The following ATP8A2 variants were observed in gnomAD, a reference collection of about 807,000 sequenced individuals.
ATP8A2 encodes the protein phospholipid-transporting ATPase IB.
In ATP8A2, 100 loss-of-function variants were observed where a neutral mutation model predicts 165.6. The observed-to-expected ratio is 0.60, with a 90% CI of 0.51 to 0.71. ATP8A2 has a LOEUF of 0.71. Ranked by LOEUF, ATP8A2 falls within the 30% of genes least tolerant of loss-of-function variation. The probability of loss-of-function intolerance (pLI) is 0.00; values close to 1 mark genes in which losing one functional copy is unlikely to be tolerated. For missense variants in ATP8A2, 1,227 were observed against 1,479.5 expected (o/e 0.83, Z 2.80); for synonymous variants, 543 against 548.8 (o/e 0.99, Z 0.15).
chr13:26,021,349 C>T lies in ATP8A2; in HGVS notation c.*1364C>T, dbSNP rs1033101052. 1.3e-5 allele frequency: 2 copies of T among 152,242 alleles called. No individual in the cohort carries two copies. The highest frequency in any genetic ancestry group is 2.4e-5 in the African/African-American group (1 of 41,456). The allele number at this position is 152,242 out of a possible 1,614,324, so 9.4% of individuals were successfully genotyped here. ...TATGAGAGCTTAAACAAGACCTTCA[C>T]ACACAGTTCTAATTGAAAAGAATTC... is the stretch of plus-strand genomic sequence containing the variant. On this transcript the variant is annotated 3_prime_UTR_variant, in exon 37 of 37. Coordinates refer to ENST00000381655, the MANE Select transcript of ATP8A2 (RefSeq NM_016529.6).
At chr13:25,395,568 A>T (rs546798634) in intron 1 of ATP8A2, among the ~76,000 whole-genome samples, 1 of 152,214 alleles carries the variant, frequency 6.6e-6, no homozygotes, top group Non-Finnish European at 1.5e-5. Context: ...ATGGAGAGCC[A>T]GGAAGAGAGA....
chr13:25,585,381 C>T (rs748534866), intron 23 of ATP8A2, among the ~76,000 whole-genome samples: 5 of 152,048 alleles, frequency 3.3e-5, no homozygotes, highest in African/African-American at 4.8e-5. Flanking sequence ...GTGGAGTTTT[C>T]GCAGTCTGTA....
chr13:25,878,531 A>ATC (rs920271588), intron 33 of ATP8A2, among the ~76,000 whole-genome samples: 3 of 151,814 alleles, frequency 2.0e-5, no homozygotes, highest in African/African-American at 7.3e-5. Flanking sequence ...ACCTGTCACC[A>ATC]TCTTGGTTTG....
intron 30 of ATP8A2, among the ~76,000 whole-genome samples, chr13:25,848,026 C>T (rs1306364299): frequency 1.3e-5 from 2 of 152,234 alleles, no homozygotes; most frequent in Non-Finnish European, 2.9e-5. Flanking sequence ...AGCATACCTA[C>T]CCTGCCTCAC....
At chr13:25,417,224 G>A (rs115651890) in intron 1 of ATP8A2, among the ~76,000 whole-genome samples, 1 of 152,068 alleles carries the variant, frequency 6.6e-6, no homozygotes, top group Non-Finnish European at 1.5e-5. Context: ...CCCAGTTTAG[G>A]CTGAGCCAGG....
intron 25 of ATP8A2, among the ~76,000 whole-genome samples, chr13:25,758,084 CT>C (rs954927818): frequency 1.3e-5 from 2 of 152,174 alleles, no homozygotes; most frequent in African/African-American, 4.8e-5. Context: ...TTAATTTACT[CT>C]TTACTGAATA....
At chr13:25,529,875 T>G in intron 2 of ATP8A2, 124 bp from the exon 3 acceptor site, 1 of 573,412 alleles carries the variant, frequency 1.7e-6, no homozygotes, top group South Asian at 2.6e-5. Flanking sequence ...GCAATTTCCT[T>G]GTCTTGAGTT....
intron 2 of ATP8A2, among the ~76,000 whole-genome samples, chr13:25,491,861 T>C (rs775845540): frequency 2.0e-5 from 3 of 152,206 alleles, no homozygotes; most frequent in African/African-American, 7.2e-5. Flanking sequence ...GATAGAGCAT[T>C]GGTTTTGTTA....
intron 27 of ATP8A2, among the ~76,000 whole-genome samples, chr13:25,790,377 G>A (rs940520057): frequency 2.6e-5 from 4 of 151,886 alleles, no homozygotes; most frequent in Non-Finnish European, 4.4e-5. Context: ...AAATTTACAG[G>A]AAAAAAAGAA....
At chr13:25,721,884 G>C (rs1156493352) in intron 25 of ATP8A2, among the ~76,000 whole-genome samples, 1 of 152,170 alleles carries the variant, frequency 6.6e-6, no homozygotes, top group East Asian at 1.9e-4. Flanking sequence ...TATTGTCTAT[G>C]ATAAATAATG....
At chr13:25,898,611 C>A (rs1246955646) in intron 33 of ATP8A2, among the ~76,000 whole-genome samples, 1 of 152,322 alleles carries the variant, frequency 6.6e-6, no homozygotes, top group African/African-American at 2.4e-5. Context: ...TTGTCTGTGC[C>A]CTGCCCCCAG....
At chr13:25,458,019 G>A (rs17082342) in intron 1 of ATP8A2, among the ~76,000 whole-genome samples, 5,943 of 152,252 alleles carry the variant, frequency 0.039, 162 homozygotes, top group South Asian at 0.13. Context: ...AAGCAAACAG[G>A]ACAGGATAAT....
At chr13:25,549,200 C>G (rs553999719) in intron 10 of ATP8A2, among the ~76,000 whole-genome samples, 2 of 152,242 alleles carry the variant, frequency 1.3e-5, no homozygotes, top group Non-Finnish European at 2.9e-5. Context: ...TGGCTCATGC[C>G]TGTAATCCCA....
intron 25 of ATP8A2, among the ~76,000 whole-genome samples, chr13:25,710,018 A>T (rs927199934): frequency 6.6e-6 from 1 of 152,190 alleles, no homozygotes; most frequent in Non-Finnish European, 1.5e-5. Context: ...TTGCATTTCT[A>T]CATTTCTACT....
At chr13:25,741,092 C>T (rs140704657) in intron 25 of ATP8A2, among the ~76,000 whole-genome samples, 2 of 152,222 alleles carry the variant, frequency 1.3e-5, no homozygotes, top group East Asian at 3.9e-4. Context: ...AAGTATTTTT[C>T]AGAAAGTGTA....
chr13:25,858,862 G>A (rs187168573), intron 30 of ATP8A2, among the ~76,000 whole-genome samples: 1 of 152,226 alleles, frequency 6.6e-6, no homozygotes, highest in Non-Finnish European at 1.5e-5. Flanking sequence ...GAGAACAATA[G>A]ATGCCGGAGA....
At chr13:25,433,909 G>A (rs945351584) in intron 1 of ATP8A2, among the ~76,000 whole-genome samples, 10 of 152,164 alleles carry the variant, frequency 6.6e-5, no homozygotes, top group East Asian at 3.9e-4. Flanking sequence ...ACTGACAAGC[G>A]GGAGCTGAAC....
intron 2 of ATP8A2, among the ~76,000 whole-genome samples, chr13:25,528,588 C>T (rs1475436877): frequency 1.3e-5 from 2 of 152,154 alleles, no homozygotes; most frequent in Non-Finnish European, 2.9e-5. Flanking sequence ...CTGGTGTATT[C>T]TGTCTCCTGA....
At chr13:25,999,096 C>T (rs1165401264) in intron 35 of ATP8A2, among the ~76,000 whole-genome samples, 2 of 152,156 alleles carry the variant, frequency 1.3e-5, no homozygotes, top group Non-Finnish European at 2.9e-5. Flanking sequence ...AGAAGAGAGT[C>T]GCACCACAAA....
Sources: allele counts gnomAD v4.1 joint callset (sites outside exome capture counted in the v4.1 genomes callset), GRCh38; gene constraint gnomAD v4.1.1; transcripts MANE v1.5; gene names NCBI Gene and HGNC (gene_info 2026-07-23, HGNC 2026-07-21).